BOK: variants seen among roughly 807,000 people sequenced by gnomAD.
BOK encodes BCL2 family apoptosis regulator BOK, also known as bcl-2-related ovarian killer protein.
A neutral mutation model predicts 18.3 loss-of-function variants in BOK; 20 were observed. The observed-to-expected ratio is 1.09, with a 90% CI of 0.77 to 1.59. BOK has a LOEUF of 1.59. Ranked by LOEUF, BOK falls within the 40% of genes most tolerant of loss-of-function variation. The pLI is 0.00. For synonymous variants in BOK, 173 were observed against 142.4 expected (o/e 1.21, Z -1.53); for missense variants, 348 against 307.9 (o/e 1.13, Z -0.97).
intron 1 of BOK, among the ~76,000 whole-genome samples, chr2:241,552,487 C>G (rs1277799832): frequency 6.6e-6 from 1 of 152,196 alleles, no homozygotes; most frequent in East Asian, 1.9e-4. Context: ...CTCAGTACCC[C>G]TTAGGGGCTG....
At position 241,562,616 on chromosome 2, in the gene BOK, G is replaced by T; in HGVS notation, c.349+140G>T. On this transcript the variant is annotated intron_variant, in intron 3 of 4. Transcript: ENST00000318407. This position sits in a 1 kb window ranked among gnomAD's most constrained non-coding sequence, Gnocchi z 4.5. ...CACCGGTGCCATCTCACTGCTGCAG[G>T]TGTCAGGAGCTGCCCAGCCACCAGC... 1 of 1,184,646 alleles carries T rather than the reference G, an allele frequency of 8.4e-7. No homozygotes were observed. Among genetic ancestry groups the T allele is most frequent in the Non-Finnish European group, 1.1e-6 (1 of 882,510 alleles). 73.4% of individuals were successfully genotyped at this position (1,184,646 alleles called of 1,614,324 possible).
intron 1 of BOK, among the ~76,000 whole-genome samples, chr2:241,552,592 G>A (rs995967631): frequency 3.9e-5 from 6 of 152,156 alleles, no homozygotes; most frequent in African/African-American, 1.2e-4. Flanking sequence ...TGAACCCTCC[G>A]TTCCCCGCCC....
chr2:241,559,491 T>C lies in BOK; in HGVS notation c.8T>C (p.Val3Ala). 2.0e-6 allele frequency: 3 copies of C among 1,476,482 alleles called. No individual in the cohort carries two copies. The highest frequency in any genetic ancestry group is 1.8e-6 in the Non-Finnish European group (2 of 1,119,584). The allele number at this position is 1,476,482 out of a possible 1,614,324, so 91.5% of individuals were successfully genotyped here. The change falls in exon 2 of 5, where the codon GTG (valine) becomes GCG (alanine). Residue 3 changes from valine to alanine, a missense_variant. Val to Ala is a moderately conservative substitution (Grantham distance 64). Transcript: ENST00000318407. ME[V>A]LRRSSVFAAE... Reference sequence around the variant, plus strand: ...CCCACCCGCGTCGCCGCCATGGAGGTGCTGCGGCGCTCCTCGGTCTTCGCC... The same window carrying C: ...CCCACCCGCGTCGCCGCCATGGAGGCGCTGCGGCGCTCCTCGGTCTTCGCC...
rs1042512222 is a variant in BOK, at chr2:241,558,883, C to G, written c.-140C>G. On this transcript the variant is annotated 5_prime_UTR_variant, in exon 1 of 5. Transcript: ENST00000318407. ...GGCGTGGACGGGGCGGGCGCCGGGGCGGGGCGCGCGTCCTCGCGGGTCTGA... is the reference window on the plus strand; with the variant it reads ...GGCGTGGACGGGGCGGGCGCCGGGGGGGGGCGCGCGTCCTCGCGGGTCTGA... The G allele has an allele frequency of 6.6e-6, 1 of 151,820 alleles. No homozygotes were observed. Among genetic ancestry groups the G allele is most frequent in the Admixed American group, 6.6e-5 (1 of 15,238 alleles). The allele number at this position is 151,820 out of a possible 1,614,324, so 9.4% of individuals were successfully genotyped here.
chr2:241,563,270 G>T (rs1015499310), intron 3 of BOK, among the ~76,000 whole-genome samples: 2 of 152,140 alleles, frequency 1.3e-5, no homozygotes, highest in African/African-American at 4.8e-5. Context: ...GCCTGGATTT[G>T]CCCAGTGTGG....
rs1013324248 is a variant in BOK, at chr2:241,562,161, C to T, written c.221-187C>T. Among the ~76,000 whole-genome samples, 3 of 152,194 alleles carry T rather than the reference C, an allele frequency of 2.0e-5. No homozygotes were observed. The highest frequency in any genetic ancestry group is 4.4e-5 in the Non-Finnish European group (3 of 68,026). ...CCTTGGTCTTCTGGTCCCTAGGGGC[C>T]AAGGTTGGGGGATGGCCCAAGGGAG... On this transcript the variant is annotated intron_variant, in intron 2 of 4. Coordinates refer to ENST00000318407, the MANE Select transcript of BOK (RefSeq NM_032515.5). The surrounding 1 kb of genome is among the most constrained non-coding windows in gnomAD (Gnocchi z 4.5).
chr2:241,559,824 G>T, intron 2 of BOK, 121 bp downstream of exon 2: 1 of 1,162,062 alleles, frequency 8.6e-7, no homozygotes, highest in Non-Finnish European at 1.1e-6. Context: ...GGACGGCCAG[G>T]CGCTCGGGAC....
chr2:241,556,525 G>A (rs1051474003), upstream of BOK, among the ~76,000 whole-genome samples: 12 of 143,892 alleles, frequency 8.3e-5, no homozygotes, highest in Admixed American at 1.5e-4. Context: ...CGGGGTTGCA[G>A]TGAGCCGAGT....
intron 1 of BOK, among the ~76,000 whole-genome samples, chr2:241,552,345 A>G (rs1276350321): frequency 1.3e-5 from 2 of 151,774 alleles, no homozygotes; most frequent in Non-Finnish European, 2.9e-5. Context: ...CACGCCCTGC[A>G]CTCCAGAGGC....
chr2:241,556,940 T>G (rs2066456997), upstream of BOK, among the ~76,000 whole-genome samples: 1 of 152,214 alleles, frequency 6.6e-6, no homozygotes, highest in African/African-American at 2.4e-5. Flanking sequence ...ATCCAGATTT[T>G]CTATTTCTTT....
At chr2:241,554,134 C>T (rs1328723628), upstream of BOK, among the ~76,000 whole-genome samples, 1 of 152,248 alleles carries the variant, frequency 6.6e-6, no homozygotes, top group Non-Finnish European at 1.5e-5. Context: ...CAAGGCGGCA[C>T]AAGGCCACAG....
At position 241,567,030 on chromosome 2, in the gene BOK, G is replaced by A. The variant is rs2066626442; in HGVS notation, c.350-3095G>A. Among the ~76,000 whole-genome samples the A allele has an allele frequency of 1.5e-5, 2 of 134,738 alleles. 1 individual carries two copies. The highest frequency in any genetic ancestry group is 1.5e-4 in the Admixed American group (2 of 13,426). 88.4% of individuals were successfully genotyped at this position (134,738 alleles called of 152,430 possible). On this transcript the variant is annotated intron_variant, in intron 3 of 4. Coordinates refer to ENST00000318407, the MANE Select transcript of BOK (RefSeq NM_032515.5). The stretch of plus-strand genomic sequence containing the variant: ...CAGTTAAAAAGACACAGAAGAGCTG[G>A]AAGGACACAGTGGACGCCGAGGCTG...
rs540764787 is a variant in BOK, at chr2:241,572,110, C to T, written c.514-187C>T. Among the ~76,000 whole-genome samples, 8 of 152,368 alleles carry T rather than the reference C, an allele frequency of 5.3e-5. No individual in the cohort carries two copies. In the South Asian group the frequency reaches 1.4e-3, roughly 28 times the overall value. ...GCCCTTCACACTGTCTGAATGTGCA[C>T]GGCATCGGGTCTGGTCTTGTGTTGG... is the stretch of plus-strand genomic sequence containing the variant. On this transcript the variant is annotated intron_variant, in intron 4 of 4. Coordinates refer to ENST00000318407, the MANE Select transcript of BOK (RefSeq NM_032515.5).
intron 1 of BOK, among the ~76,000 whole-genome samples, chr2:241,553,383 T>G (rs1226961875): frequency 6.6e-6 from 1 of 152,064 alleles, no homozygotes; most frequent in Non-Finnish European, 1.5e-5. Flanking sequence ...AACTCCTGAC[T>G]TCAGGTGATC....
At position 241,566,848 on chromosome 2, in the gene BOK, C is replaced by T. The variant is rs932903382; in HGVS notation, c.350-3277C>T. On this transcript the variant is annotated intron_variant, in intron 3 of 4. Coordinates refer to ENST00000318407, the MANE Select transcript of BOK (RefSeq NM_032515.5). ...AAGATGAGTGGCTGCCAGGGGCTGT[C>T]GGTGAAATAGGGAGTGACTGCTAGT... 2.2e-5 allele frequency among the ~76,000 whole-genome samples: 3 copies of T among 133,468 alleles called. 1 individual carries two copies. Among genetic ancestry groups the T allele is most frequent in the Non-Finnish European group, 4.8e-5 (3 of 62,696 alleles). 87.6% of individuals were successfully genotyped at this position (133,468 alleles called of 152,430 possible).
At chr2:241,553,578 T>C (rs766614576) in intron 1 of BOK, among the ~76,000 whole-genome samples, 25 of 152,120 alleles carry the variant, frequency 1.6e-4, no homozygotes, top group Non-Finnish European at 3.4e-4. Context: ...GAAAGAGACG[T>C]GTCTTACGAG....
chr2:241,561,339 G>A (rs1181259896), intron 2 of BOK, among the ~76,000 whole-genome samples: 2 of 152,272 alleles, frequency 1.3e-5, no homozygotes, highest in Non-Finnish European at 2.9e-5. Flanking sequence ...ATCCTCGGCT[G>A]CCAGGGGCAG....
At chr2:241,561,277 C>T (rs929241326) in intron 2 of BOK, among the ~76,000 whole-genome samples, 1 of 152,382 alleles carries the variant, frequency 6.6e-6, no homozygotes, top group Admixed American at 6.5e-5. Flanking sequence ...CTGTGCGCTG[C>T]TGCTGCCAAG....
intron 4 of BOK, 48 bp from the exon 5 acceptor site, chr2:241,572,249 C>T: frequency 1.9e-6 from 3 of 1,595,314 alleles, no homozygotes; most frequent in South Asian, 1.1e-5. Context: ...TGCTGGGGGC[C>T]TGGCGGTGCT....
Sources: gnomAD v4.1 joint callset for allele counts (sites outside exome capture counted in the v4.1 genomes callset) on GRCh38, gnomAD v4.1.1 for gene constraint, Gnocchi (gnomAD v3.1) non-coding constraint, MANE v1.5 for transcripts, NCBI Gene and HGNC (gene_info 2026-07-23, HGNC 2026-07-21) for gene names.